The following PPP1R12B variants were observed in gnomAD, a reference collection of about 807,000 sequenced individuals.
PPP1R12B encodes myosin phosphatase target subunit 2.
A neutral mutation model predicts 126.1 loss-of-function variants in PPP1R12B; 76 were observed. The observed-to-expected ratio is 0.60, with a 90% CI of 0.50 to 0.73. The LOEUF is 0.73. Ranked by LOEUF, PPP1R12B falls within the 30% of genes least tolerant of loss-of-function variation. The probability of loss-of-function intolerance (pLI) is 0.00; values close to 1 mark genes in which losing one functional copy is unlikely to be tolerated. For missense variants in PPP1R12B, 1,052 were observed against 1,205.1 expected (o/e 0.87, Z 1.88); for synonymous variants, 356 against 434.7 (o/e 0.82, Z 2.25).
intron 5 of PPP1R12B, 147 bp downstream of exon 5, chr1:202,427,331 C>T (rs1571961799): frequency 8.8e-7 from 1 of 1,136,748 alleles, no homozygotes; most frequent in East Asian, 2.6e-5. Context: ...ACCACCCTGC[C>T]TCTGGCCCTA....
intron 10 of PPP1R12B, among the ~76,000 whole-genome samples, chr1:202,440,340 T>C (rs370870336): frequency 1.8e-4 from 27 of 152,362 alleles, no homozygotes; most frequent in African/African-American, 6.3e-4. Flanking sequence ...CTGGGGACTA[T>C]TGGGGACTAC....
rs545276724 is a variant in PPP1R12B, at chr1:202,551,256, T to A, written c.2491-7621T>A. On this transcript the variant is annotated intron_variant, in intron 18 of 23. Coordinates refer to ENST00000608999, the MANE Select transcript of PPP1R12B (RefSeq NM_002481.4). Reference sequence around the variant, plus strand: ...TGACTATGTTTAACTTTTTGTTCTATATGTATTAAGTAGTCAGTAAAGACA... The same window carrying A: ...TGACTATGTTTAACTTTTTGTTCTAAATGTATTAAGTAGTCAGTAAAGACA... 1.2e-4 allele frequency among the ~76,000 whole-genome samples: 19 copies of A among 152,260 alleles called. 1 individual carries two copies. The highest frequency in any genetic ancestry group is 2.5e-4 in the Non-Finnish European group (17 of 68,052).
chr1:202,575,790 TTGA>T (rs1689038049), intron 23 of PPP1R12B: 1 of 152,232 alleles, frequency 6.6e-6, no homozygotes, highest in Non-Finnish European at 1.5e-5. Flanking sequence ...ACCTCTCCTA[TTGA>T]TTCCTTATAC....
In PPP1R12B at chr1:202,582,364, T is replaced by A. The variant is rs1325692732; in HGVS notation, c.*1804T>A. On this transcript the variant is annotated 3_prime_UTR_variant, in exon 24 of 24. Transcript: ENST00000608999. ...CTTGATGATAACCTAGCATTAATAC[T>A]TACAGTATTTTCTTTTTGTAGGAGT... 2.0e-5 allele frequency: 3 copies of A among 152,680 alleles called. No individual in the cohort carries two copies. Among genetic ancestry groups the A allele is most frequent in the Admixed American group, 2.0e-4 (3 of 15,292 alleles). The allele number at this position is 152,680 out of a possible 1,614,324, so 9.5% of individuals were successfully genotyped here. A position where few individuals can be genotyped will look rare whatever the true frequency, so the allele number is the denominator to read the frequency against.
intron 18 of PPP1R12B, among the ~76,000 whole-genome samples, chr1:202,532,348 C>T (rs1433806108): frequency 6.6e-6 from 1 of 152,198 alleles, no homozygotes; most frequent in African/African-American, 2.4e-5. Flanking sequence ...GTATCTTGTG[C>T]TGACCTCCTG....
intron 12 of PPP1R12B, 97 bp downstream of exon 12, chr1:202,442,669 G>T (rs1558234100): frequency 1.6e-6 from 2 of 1,267,792 alleles, no homozygotes; most frequent in East Asian, 5.0e-5. Flanking sequence ...TAACACCGCA[G>T]AAATGAATCA....
intron 18 of PPP1R12B, among the ~76,000 whole-genome samples, chr1:202,541,441 G>C (rs1448747329): frequency 1.3e-5 from 2 of 152,164 alleles, no homozygotes; most frequent in Admixed American, 1.3e-4. Flanking sequence ...CTGTCATCGA[G>C]TTCCAGGAGT....
At chr1:202,361,109 G>T (rs1439988381) in intron 1 of PPP1R12B, among the ~76,000 whole-genome samples, 1 of 152,004 alleles carries the variant, frequency 6.6e-6, no homozygotes, top group Non-Finnish European at 1.5e-5. Flanking sequence ...TAGCCAGAAT[G>T]GTCTCGATCT....
intron 2 of PPP1R12B, among the ~76,000 whole-genome samples, chr1:202,418,803 T>A (rs1282419329): frequency 2.0e-5 from 3 of 152,290 alleles, no homozygotes; most frequent in South Asian, 4.1e-4. Flanking sequence ...GCATTTTTTT[T>A]AATATGCAAT....
At chr1:202,358,578 AGACT>A (rs889930163) in intron 1 of PPP1R12B, among the ~76,000 whole-genome samples, 1 of 151,954 alleles carries the variant, frequency 6.6e-6, no homozygotes, top group Non-Finnish European at 1.5e-5. Context: ...GCTACTCGGG[AGACT>A]GAGGCAGGAG....
chr1:202,520,697 C>T (rs962648013), intron 18 of PPP1R12B, among the ~76,000 whole-genome samples: 2 of 152,080 alleles, frequency 1.3e-5, no homozygotes, highest in African/African-American at 4.8e-5. Context: ...AATTGAACTG[C>T]TGTTATTTCA....
chr1:202,349,280 C>T, intron 1 of PPP1R12B, 138 bp downstream of exon 1: 1 of 1,027,190 alleles, frequency 9.7e-7, no homozygotes, highest in Non-Finnish European at 1.4e-6. Flanking sequence ...TAATCGGTTT[C>T]ATTCTTGGCC....
chr1:202,502,185 T>C lies in PPP1R12B; in HGVS notation c.2490+5363T>C, dbSNP rs1184580015. The C allele has an allele frequency of 4.1e-6, 4 of 984,834 alleles. No individual in the cohort carries two copies. The African/African-American group carries it at 7.0e-5, about 17-fold the overall frequency. 61.0% of individuals were successfully genotyped at this position (984,834 alleles called of 1,614,324 possible). The stretch of plus-strand genomic sequence containing the variant: ...AATGCAATCAGTAGGTCTGGATTAC[T>C]AGTCATCCCTCAAAACTGATTGGTA... On this transcript the variant is annotated intron_variant, in intron 18 of 23. Transcript: ENST00000608999.
chr1:202,349,418 C>T (rs765049711), intron 1 of PPP1R12B, among the ~76,000 whole-genome samples: 13 of 152,146 alleles, frequency 8.5e-5, no homozygotes, highest in Non-Finnish European at 1.6e-4. Context: ...TGATTTTTGT[C>T]CCTGGTCTTA....
chr1:202,357,396 CT>C (rs1657307418), intron 1 of PPP1R12B, among the ~76,000 whole-genome samples: 1 of 152,006 alleles, frequency 6.6e-6, no homozygotes, highest in South Asian at 2.1e-4. Context: ...TTTTTGAAGA[CT>C]TTTGTGGAGG....
At chr1:202,371,816 G>A (rs928757130) in intron 1 of PPP1R12B, among the ~76,000 whole-genome samples, 1 of 132,862 alleles carries the variant, frequency 7.5e-6, no homozygotes, top group Non-Finnish European at 1.6e-5. Context: ...TTTTTTTGTT[G>A]TTATGTTGAT....
At chr1:202,484,540 C>T (rs1178497400) in intron 13 of PPP1R12B, among the ~76,000 whole-genome samples, 1 of 152,178 alleles carries the variant, frequency 6.6e-6, no homozygotes, top group Non-Finnish European at 1.5e-5. Context: ...AATCACTGGG[C>T]TAGTCTGAAT....
At chr1:202,435,289 A>G (rs1262140167) in intron 9 of PPP1R12B, among the ~76,000 whole-genome samples, 3 of 152,106 alleles carry the variant, frequency 2.0e-5, no homozygotes, top group African/African-American at 4.8e-5. Flanking sequence ...TACCAAACAA[A>G]TTTGGCTACC....
At chr1:202,395,427 G>C (rs1415304760) in intron 1 of PPP1R12B, among the ~76,000 whole-genome samples, 1 of 152,144 alleles carries the variant, frequency 6.6e-6, no homozygotes, top group African/African-American at 2.4e-5. Flanking sequence ...ATTCATCAAA[G>C]ACTTAGCTCA....
Sources: allele counts gnomAD v4.1 joint callset (sites outside exome capture counted in the v4.1 genomes callset), GRCh38; gene constraint gnomAD v4.1.1; transcripts MANE v1.5; gene names NCBI Gene and HGNC (gene_info 2026-07-23, HGNC 2026-07-21).